The following MSN variants were observed in gnomAD, a reference collection of about 807,000 sequenced individuals.
The protein encoded by MSN is moesin, also known as epididymis luminal protein 70.
In MSN, 2 loss-of-function variants were observed where a neutral mutation model predicts 48.0. That is an observed-to-expected ratio of 0.04 (90% CI 0.02 to 0.13). MSN has a LOEUF of 0.13. Ranked by LOEUF, MSN falls within the 10% of genes least tolerant of loss-of-function variation. The pLI is 1.00. For synonymous variants in MSN, 146 were observed against 166.9 expected, an observed-to-expected ratio of 0.87 and a Z score of 0.97; for missense variants, 267 against 470.1, an observed-to-expected ratio of 0.57 and a Z score of 3.99.
At chrX:65,612,052 G>A (rs1446356800) in intron 1 of MSN, among the ~76,000 whole-genome samples, 1 of 111,702 alleles carries the variant, frequency 9.0e-6, no homozygotes, top group Admixed American at 9.5e-5. Flanking sequence ...TTTAAATTGG[G>A]TTGTGCTATG....
intron 2 of MSN, among the ~76,000 whole-genome samples, chrX:65,727,306 A>G (rs768177466): frequency 2.7e-5 from 3 of 111,680 alleles, no homozygotes; most frequent in East Asian, 2.8e-4. Context: ...TAATCCAACA[A>G]TCTCCACCTT....
intron 1 of MSN, among the ~76,000 whole-genome samples, chrX:65,594,914 T>C (rs1035142378): frequency 1.8e-5 from 2 of 111,836 alleles, no homozygotes; most frequent in South Asian, 7.5e-4. Flanking sequence ...AGCCTTAGTA[T>C]GCACCTGTTT....
intron 1 of MSN, among the ~76,000 whole-genome samples, chrX:65,608,885 A>G (rs2070298249): frequency 9.1e-6 from 1 of 110,382 alleles, no homozygotes; most frequent in Admixed American, 9.7e-5. Context: ...GTGCTCAAGA[A>G]ATGGTTACTA....
intron 1 of MSN, among the ~76,000 whole-genome samples, chrX:65,642,457 G>C (rs2070664553): frequency 9.1e-6 from 1 of 109,328 alleles, no homozygotes; most frequent in South Asian, 3.9e-4. Context: ...AGTCCGCCAG[G>C]GTCCAGGTTT....
At position 65,740,092 on chromosome X, in the gene MSN, A is replaced by G. The variant is rs1361410949; in HGVS notation, c.*199A>G. 1.7e-5 allele frequency: 6 copies of G among 360,909 alleles called. No individual in the cohort carries two copies. Among genetic ancestry groups the G allele is most frequent in the Non-Finnish European group, 2.4e-5 (5 of 204,532 alleles). 29.7% of individuals were successfully genotyped at this position (360,909 alleles called of 1,213,427 possible). A position where few individuals can be genotyped will look rare whatever the true frequency, so the allele number is the denominator to read the frequency against. On this transcript the variant is annotated 3_prime_UTR_variant, in exon 13 of 13. Coordinates refer to ENST00000360270, the MANE Select transcript of MSN (RefSeq NM_002444.3). ...TCCCTGGGCAAATGAATGGCTCACT[A>G]TGGTGCCAATGGAACCTCCTTTCTC...
At chrX:65,717,476 A>G (rs1006174371) in intron 2 of MSN, among the ~76,000 whole-genome samples, 1 of 112,218 alleles carries the variant, frequency 8.9e-6, no homozygotes, top group Non-Finnish European at 1.9e-5. Context: ...TTCATCTCCT[A>G]CAGGCATGCC....
At chrX:65,668,827 C>T in intron 1 of MSN, among the ~76,000 whole-genome samples, 1 of 111,967 alleles carries the variant, frequency 8.9e-6, no homozygotes, top group Non-Finnish European at 1.9e-5. Context: ...GCCTGGTGAC[C>T]ACCCTGGCTT....
chrX:65,608,864 G>A (rs976169005), intron 1 of MSN, among the ~76,000 whole-genome samples: 3 of 110,566 alleles, frequency 2.7e-5, no homozygotes, highest in Admixed American at 1.9e-4. Flanking sequence ...GAATTGTCCT[G>A]CTCACAATAG....
At chrX:65,714,791 G>C (rs776625163) in intron 1 of MSN, among the ~76,000 whole-genome samples, 1 of 111,541 alleles carries the variant, frequency 9.0e-6, no homozygotes, top group East Asian at 2.8e-4. Flanking sequence ...TTCTTTTGCT[G>C]TGCAGAAGCT....
At chrX:65,616,112 T>C (rs2070369030) in intron 1 of MSN, among the ~76,000 whole-genome samples, 1 of 111,673 alleles carries the variant, frequency 9.0e-6, no homozygotes, top group Non-Finnish European at 1.9e-5. Context: ...ACTGTAGCCT[T>C]GTAGTATAGT....
chrX:65,633,743 A>G (rs1459489123), intron 1 of MSN, among the ~76,000 whole-genome samples: 1 of 112,361 alleles, frequency 8.9e-6, no homozygotes, highest in Non-Finnish European at 1.9e-5. Context: ...TCAATGGTCT[A>G]ACATTCTCTA....
At chrX:65,690,927 C>T (rs1010789077) in intron 1 of MSN, among the ~76,000 whole-genome samples, 7 of 111,168 alleles carry the variant, frequency 6.3e-5, no homozygotes, top group Non-Finnish European at 9.4e-5. Flanking sequence ...TGTAGTATCC[C>T]GAGTAGAGAA....
At chrX:65,710,050 T>A (rs1218989731) in intron 1 of MSN, among the ~76,000 whole-genome samples, 1 of 112,113 alleles carries the variant, frequency 8.9e-6, no homozygotes, top group East Asian at 2.8e-4. Context: ...AGGACTGACT[T>A]CTAAAGGGAC....
chrX:65,671,236 G>A (rs1378603012), intron 1 of MSN, among the ~76,000 whole-genome samples: 4 of 108,903 alleles, frequency 3.7e-5, no homozygotes, highest in Admixed American at 3.0e-4. Flanking sequence ...TGCAAAACTA[G>A]GACTTGAATC....
chrX:65,658,311 AAGAG>A (rs201990422), intron 1 of MSN, among the ~76,000 whole-genome samples: 5 of 111,241 alleles, frequency 4.5e-5, no homozygotes, highest in African/African-American at 1.6e-4. Context: ...GGGGAAGAAA[AAGAG>A]AGAGAGAGAA....
intron 2 of MSN, among the ~76,000 whole-genome samples, chrX:65,719,594 C>T (rs1043910889): frequency 1.8e-5 from 2 of 111,501 alleles, no homozygotes; most frequent in African/African-American, 6.5e-5. Context: ...GGCTTTTGGG[C>T]CCTTTGCTTT....
intron 1 of MSN, among the ~76,000 whole-genome samples, chrX:65,594,091 T>A (rs1361322602): frequency 9.0e-6 from 1 of 111,695 alleles, no homozygotes; most frequent in Non-Finnish European, 1.9e-5. Context: ...ATCAGAATTA[T>A]GGCAAAACAT....
chrX:65,621,805 C>T (rs963453979), intron 1 of MSN, among the ~76,000 whole-genome samples: 2 of 112,273 alleles, frequency 1.8e-5, no homozygotes, highest in African/African-American at 6.5e-5. Context: ...AAACTTATTT[C>T]ATCAAAGTTT....
At chrX:65,625,351 G>A (rs929542967) in intron 1 of MSN, 7 of 111,866 alleles carry the variant, frequency 6.3e-5, no homozygotes, top group African/African-American at 2.3e-4. Flanking sequence ...TTCATCTTCT[G>A]TCTATCCATT....
Sources: allele counts gnomAD v4.1 joint callset (sites outside exome capture counted in the v4.1 genomes callset), GRCh38; gene constraint gnomAD v4.1.1; transcripts MANE v1.5; gene names NCBI Gene and HGNC (gene_info 2026-07-23, HGNC 2026-07-21).